Variants in DAB1 observed in about 807,000 individuals in gnomAD.
The protein encoded by DAB1 is DAB adaptor protein 1.
In DAB1, 15 loss-of-function variants were observed where a neutral mutation model predicts 64.6. That is an observed-to-expected ratio of 0.23 (90% CI 0.16 to 0.36). DAB1 has a LOEUF of 0.36. DAB1 is among the 10% of genes least tolerant of loss of function. DAB1 has a pLI of 1.00. For synonymous variants in DAB1, 235 were observed against 251.9 expected, an observed-to-expected ratio of 0.93 and a Z score of 0.64; for missense variants, 596 against 706.7, an observed-to-expected ratio of 0.84 and a Z score of 1.78.
chr1:57,152,523 G>A (rs1231517503), intron 2 of DAB1, among the ~76,000 whole-genome samples: 4 of 152,186 alleles, frequency 2.6e-5, no homozygotes, highest in Non-Finnish European at 4.4e-5. Flanking sequence ...AAGAAAAGCA[G>A]TAACTGCCTG....
rs201567964 is a variant in DAB1, at chr1:58,538,779, T to G, written n.32+7924A>C. ...AAAGTTAATATAAAAGTTTTTATTCTAAAAAAGCATTTTACCTGCCTACAA... is the reference window on the plus strand; with the variant it reads ...AAAGTTAATATAAAAGTTTTTATTCGAAAAAAGCATTTTACCTGCCTACAA... On this transcript the variant is annotated intron_variant and non_coding_transcript_variant, in intron 1 of 20. Transcript: ENST00000485760. 2.8e-3 allele frequency: 2,090 copies of G among 739,938 alleles called. 29 individuals carry two copies. Among genetic ancestry groups the G allele is most frequent in the Middle Eastern group, 0.025 (101 of 4,086 alleles). The allele number at this position is 739,938 out of a possible 1,614,324, so 45.8% of individuals were successfully genotyped here.
chr1:58,152,704 C>T (rs1655011009), intron 4 of DAB1, among the ~76,000 whole-genome samples: 1 of 152,210 alleles, frequency 6.6e-6, no homozygotes, highest in Admixed American at 6.5e-5. Context: ...AATTAAAGAG[C>T]CATTCACAGC....
intron 5 of DAB1, among the ~76,000 whole-genome samples, chr1:57,954,954 T>C (rs954765260): frequency 6.6e-6 from 1 of 152,200 alleles, no homozygotes; most frequent in African/African-American, 2.4e-5. Flanking sequence ...GACTTAAAGA[T>C]AAAGCCACTT....
chr1:57,235,112 TG>T (rs1397793515), intron 2 of DAB1, among the ~76,000 whole-genome samples: 1 of 152,176 alleles, frequency 6.6e-6, no homozygotes, highest in African/African-American at 2.4e-5. Flanking sequence ...AAATACCATT[TG>T]GGGGCCATTT....
intron 7 of DAB1, among the ~76,000 whole-genome samples, chr1:57,555,636 T>C (rs1386613281): frequency 1.3e-5 from 2 of 152,192 alleles, no homozygotes; most frequent in Admixed American, 6.5e-5. Flanking sequence ...GGAAAAGCCA[T>C]GGCTCTTGCT....
intron 1 of DAB1, among the ~76,000 whole-genome samples, chr1:58,545,078 G>T (rs142592899): frequency 1.3e-5 from 2 of 151,996 alleles, no homozygotes; most frequent in African/African-American, 4.8e-5. Flanking sequence ...TTCATATGGC[G>T]AACCAGGCCC....
chr1:58,291,593 G>C (rs565305164), intron 4 of DAB1, among the ~76,000 whole-genome samples: 1 of 152,182 alleles, frequency 6.6e-6, no homozygotes, highest in Non-Finnish European at 1.5e-5. Context: ...CAAAATATGT[G>C]ATCAATAACA....
chr1:58,304,201 T>G (rs1289946016), intron 4 of DAB1, among the ~76,000 whole-genome samples: 1 of 152,186 alleles, frequency 6.6e-6, no homozygotes, highest in East Asian at 1.9e-4. Context: ...TCCAAATGCA[T>G]GCCAAATGTA....
At chr1:57,949,459 T>TTATCTATCTATC (rs71051263) in intron 5 of DAB1, among the ~76,000 whole-genome samples, 243 of 146,360 alleles carry the variant, frequency 1.7e-3, no homozygotes, top group East Asian at 3.9e-3. Flanking sequence ...AAGCAATTCT[T>TTATCTATCTATC]TATCTATCTA....
At chr1:57,158,479 G>A (rs141196348) in intron 2 of DAB1, among the ~76,000 whole-genome samples, 1,942 of 152,224 alleles carry the variant, frequency 0.013, 20 homozygotes, top group Middle Eastern at 0.027. Flanking sequence ...AGAAAATTTC[G>A]AAAGGTTGTT....
At chr1:57,939,075 A>G (rs936956632) in intron 5 of DAB1, among the ~76,000 whole-genome samples, 1 of 152,110 alleles carries the variant, frequency 6.6e-6, no homozygotes, top group Non-Finnish European at 1.5e-5. Flanking sequence ...TATTTTTCAC[A>G]GTTCTGGAGG....
intron 3 of DAB1, among the ~76,000 whole-genome samples, chr1:57,143,313 T>A (rs933647445): frequency 4.0e-4 from 61 of 152,206 alleles, no homozygotes; most frequent in Non-Finnish European, 5.9e-5. Flanking sequence ...GGCCAGCATT[T>A]ATCAGTCAGA....
chr1:57,569,322 G>A (rs1460312453), intron 7 of DAB1, among the ~76,000 whole-genome samples: 56 of 147,534 alleles, frequency 3.8e-4, no homozygotes, highest in African/African-American at 1.2e-3. Context: ...CAATAGCAAA[G>A]ACTTGGAACC....
chr1:57,814,221 T>C (rs749231165), intron 6 of DAB1, among the ~76,000 whole-genome samples: 2 of 152,250 alleles, frequency 1.3e-5, no homozygotes, highest in Non-Finnish European at 2.9e-5. Context: ...TGTGTCTTTC[T>C]ATGTGACATT....
chr1:58,464,417 C>T (rs1323858908), intron 3 of DAB1, among the ~76,000 whole-genome samples: 1 of 152,088 alleles, frequency 6.6e-6, no homozygotes, highest in Admixed American at 6.6e-5. Context: ...GATCGTGTCC[C>T]CTGTCCTTGA....
intron 10 of DAB1, 123 bp from the exon 11 acceptor site, chr1:57,023,762 G>A: frequency 1.5e-6 from 1 of 676,098 alleles, no homozygotes; most frequent in Admixed American, 2.1e-5. Context: ...CCACTTATGG[G>A]GTGTGCAGCC....
chr1:57,154,041 C>G (rs957153269), intron 2 of DAB1, among the ~76,000 whole-genome samples: 1 of 152,096 alleles, frequency 6.6e-6, no homozygotes. Context: ...AGCATTTATC[C>G]TTTGTGTTAC....
intron 4 of DAB1, among the ~76,000 whole-genome samples, chr1:58,178,261 C>T (rs1656595291): frequency 1.3e-5 from 2 of 152,162 alleles, no homozygotes; most frequent in Non-Finnish European, 2.9e-5. Context: ...CTCTCCATCT[C>T]ATCTCTGTGT....
intron 1 of DAB1, among the ~76,000 whole-genome samples, chr1:57,420,686 C>A (rs889654119): frequency 6.6e-6 from 1 of 152,144 alleles, no homozygotes; most frequent in African/African-American, 2.4e-5. Context: ...CTGCTATGTG[C>A]CAAAGCACCC....
Sources: gnomAD v4.1 joint callset for allele counts (sites outside exome capture counted in the v4.1 genomes callset) on GRCh38, gnomAD v4.1.1 for gene constraint, MANE v1.5 for transcripts, NCBI Gene and HGNC (gene_info 2026-07-23, HGNC 2026-07-21) for gene names.